Variants in RFX3 observed in about 807,000 individuals in gnomAD.
RFX3 encodes transcription factor RFX3.
In RFX3, 14 loss-of-function variants were observed where a neutral mutation model predicts 98.6. That is an observed-to-expected ratio of 0.14 (90% CI 0.09 to 0.22). RFX3 has a LOEUF of 0.22. Ranked by LOEUF, RFX3 falls within the 10% of genes least tolerant of loss-of-function variation. The pLI, the probability that RFX3 is intolerant of heterozygous loss-of-function variation, is 1.00. For synonymous variants in RFX3, 383 were observed against 328.4 expected (o/e 1.17, Z -1.80); for missense variants, 639 against 926.9 (o/e 0.69, Z 4.03).
chr9:3,424,433 C>G (rs996695302), intron 1 of RFX3, among the ~76,000 whole-genome samples: 1 of 136,472 alleles, frequency 7.3e-6, no homozygotes, highest in Non-Finnish European at 1.5e-5. Context: ...GCGATCTCGA[C>G]TCACTGCAAG....
chr9:3,426,283 C>T (rs1232710400), intron 1 of RFX3, among the ~76,000 whole-genome samples: 2 of 150,878 alleles, frequency 1.3e-5, no homozygotes, highest in Non-Finnish European at 2.9e-5. Flanking sequence ...GTATGATGAT[C>T]GGGTCAGTGT....
chr9:3,465,890 A>C (rs1848168381), intron 1 of RFX3, among the ~76,000 whole-genome samples: 1 of 152,202 alleles, frequency 6.6e-6, no homozygotes, highest in Non-Finnish European at 1.5e-5. Flanking sequence ...ATTTGAAAAA[A>C]AAGTGAAGGA....
At chr9:3,393,362 G>A (rs1840518777) in intron 2 of RFX3, among the ~76,000 whole-genome samples, 2 of 151,930 alleles carry the variant, frequency 1.3e-5, no homozygotes, top group Non-Finnish European at 2.9e-5. Flanking sequence ...GTAAATATTT[G>A]ATAATATGTA....
At chr9:3,249,397 C>T (rs1308631706) in intron 14 of RFX3, among the ~76,000 whole-genome samples, 3 of 151,996 alleles carry the variant, frequency 2.0e-5, no homozygotes, top group Non-Finnish European at 2.9e-5. Context: ...ATCATTTCCC[C>T]GAGATGTTTT....
Position 3,377,056 on chromosome 9 carries a change from A to T in RFX3, c.117+18416T>A, listed in dbSNP as rs570286378. ...TGTGGCGATTCCTCAGGGATCTAGA[A>T]CTAGAAATACCATTTGACCCAGCCA... On this transcript the variant is annotated intron_variant, in intron 2 of 16. Coordinates refer to ENST00000617270, the MANE Select transcript of RFX3 (RefSeq NM_001282116.2). 5.3e-3 allele frequency among the ~76,000 whole-genome samples: 800 copies of T among 152,332 alleles called. 10 individuals carry two copies. The highest frequency in any genetic ancestry group is 8.3e-3 in the Admixed American group (127 of 15,302).
chr9:3,342,333 G>C (rs1051702508), intron 3 of RFX3, among the ~76,000 whole-genome samples: 1 of 152,156 alleles, frequency 6.6e-6, no homozygotes, highest in Admixed American at 6.6e-5. Flanking sequence ...TTCACTGCTT[G>C]TGTAACCACA....
chr9:3,505,280 AT>A (rs1564187068), intron 1 of RFX3, among the ~76,000 whole-genome samples: 4 of 73,870 alleles, frequency 5.4e-5, no homozygotes, highest in African/African-American at 2.7e-4. Flanking sequence ...ATATGAATAT[AT>A]ACATTTTTAT....
chr9:3,261,305 C>T (rs949155945), intron 13 of RFX3, among the ~76,000 whole-genome samples: 1 of 152,054 alleles, frequency 6.6e-6, no homozygotes, highest in Non-Finnish European at 1.5e-5. Context: ...TCCCAGTCTT[C>T]TCAATCCCCC....
intron 6 of RFX3, among the ~76,000 whole-genome samples, chr9:3,290,980 A>C (rs1586902709): frequency 6.6e-6 from 1 of 152,210 alleles, no homozygotes; most frequent in Non-Finnish European, 1.5e-5. Context: ...ATAGGTCATG[A>C]GACCCTCATT....
intron 3 of RFX3, among the ~76,000 whole-genome samples, chr9:3,340,539 A>C (rs1446005573): frequency 6.6e-6 from 1 of 152,190 alleles, no homozygotes; most frequent in Non-Finnish European, 1.5e-5. Flanking sequence ...TCCGCAATGA[A>C]CTCAAACAAA....
In RFX3 at chr9:3,221,929, A is replaced by G. The variant is rs1221368361; in HGVS notation, c.*3113T>C. 6.6e-6 allele frequency: 1 copy of G among 152,140 alleles called. No homozygotes were observed. The highest frequency in any genetic ancestry group is 1.5e-5 in the Non-Finnish European group (1 of 67,998). The allele number at this position is 152,140 out of a possible 1,614,324, so 9.4% of individuals were successfully genotyped here. A position where few individuals can be genotyped will look rare whatever the true frequency, so the allele number is the denominator to read the frequency against. ...ATGACTAGTGATTGGTTATAATTGCAAGAAATACAAAGAAGTCTTAAAATG... is the reference window on the plus strand; with the variant it reads ...ATGACTAGTGATTGGTTATAATTGCGAGAAATACAAAGAAGTCTTAAAATG... On this transcript the variant is annotated 3_prime_UTR_variant, in exon 17 of 17. Transcript: ENST00000617270.
At chr9:3,368,252 T>C (rs1253873458) in intron 2 of RFX3, among the ~76,000 whole-genome samples, 3 of 152,120 alleles carry the variant, frequency 2.0e-5, no homozygotes, top group African/African-American at 4.8e-5. Context: ...AAAAAAGATA[T>C]ATTGAAAGAA....
At chr9:3,229,415 C>A (rs1286444449) in intron 15 of RFX3, among the ~76,000 whole-genome samples, 1 of 152,166 alleles carries the variant, frequency 6.6e-6, no homozygotes, top group African/African-American at 2.4e-5. Flanking sequence ...TTTACAAAAT[C>A]TTTGAGACTT....
intron 2 of RFX3, among the ~76,000 whole-genome samples, chr9:3,380,882 T>C (rs569846234): frequency 5.2e-4 from 79 of 152,290 alleles, no homozygotes; most frequent in South Asian, 4.1e-4. Flanking sequence ...ATACTGAGCT[T>C]TAAAGAGTAT....
chr9:3,377,181 G>C lies in RFX3; in HGVS notation c.117+18291C>G, dbSNP rs200840477. 2.0e-4 allele frequency among the ~76,000 whole-genome samples: 30 copies of C among 152,214 alleles called. 1 individual carries two copies. The East Asian group carries it at 3.3e-3, about 17-fold the overall frequency. ...GCAGCACTATTCACAATAGCAAAGA[G>C]TTGGAACCAACCCAAATGTCCATCA... On this transcript the variant is annotated intron_variant, in intron 2 of 16. Transcript: ENST00000617270.
chr9:3,524,378 G>C (rs1244416900), intron 1 of RFX3: 1 of 296,862 alleles, frequency 3.4e-6, no homozygotes, highest in Non-Finnish European at 5.0e-6. Context: ...TCCTGAGCAG[G>C]TTCAAGTCAC....
intron 5 of RFX3, among the ~76,000 whole-genome samples, chr9:3,296,569 A>C (rs2129840249): frequency 6.6e-6 from 1 of 152,198 alleles, no homozygotes; most frequent in African/African-American, 2.4e-5. Context: ...ATATATATTT[A>C]TATAAATCAC....
At chr9:3,470,417 C>G (rs1379720334) in intron 1 of RFX3, among the ~76,000 whole-genome samples, 3 of 151,658 alleles carry the variant, frequency 2.0e-5, no homozygotes, top group Non-Finnish European at 4.4e-5. Context: ...CGGGTTCACG[C>G]CATTCTCCTG....
intron 7 of RFX3, among the ~76,000 whole-genome samples, chr9:3,284,509 C>A (rs1265769980): frequency 2.6e-5 from 4 of 151,480 alleles, no homozygotes; most frequent in Admixed American, 1.3e-4. Flanking sequence ...AGTCTCCTGC[C>A]TCCTTAACCA....
Sources: gnomAD v4.1 joint callset for allele counts (sites outside exome capture counted in the v4.1 genomes callset) on GRCh38, gnomAD v4.1.1 for gene constraint, MANE v1.5 for transcripts, NCBI Gene and HGNC (gene_info 2026-07-23, HGNC 2026-07-21) for gene names.